DLGAP2: variants seen among roughly 807,000 people sequenced by gnomAD.
The protein encoded by DLGAP2 is disks large-associated protein 2.
A neutral mutation model predicts 100.3 loss-of-function variants in DLGAP2; 26 were observed. The observed-to-expected ratio is 0.26, with a 90% CI of 0.19 to 0.36. The LOEUF (loss-of-function observed/expected upper bound fraction) is 0.36, where lower values mean the gene tolerates loss of function less well. Ranked by LOEUF, DLGAP2 falls within the 10% of genes least tolerant of loss-of-function variation. The probability of loss-of-function intolerance (pLI) is 1.00; values close to 1 mark genes in which losing one functional copy is unlikely to be tolerated. For synonymous variants in DLGAP2, 886 were observed against 630.1 expected (o/e 1.41, Z -6.08); for missense variants, 1,858 against 1,453.2 (o/e 1.28, Z -4.53).
At chr8:1,380,667 A>T (rs760542453) in intron 3 of DLGAP2, among the ~76,000 whole-genome samples, 50 of 152,322 alleles carry the variant, frequency 3.3e-4, no homozygotes, top group Middle Eastern at 3.4e-3. Context: ...CCGAGGTGTC[A>T]TGTTCACTGG....
rs73671229 is a variant in DLGAP2 at position 1,573,975 on chromosome 8, G to A, written c.1442+8081G>A. 5.0e-3 allele frequency among the ~76,000 whole-genome samples: 758 copies of A among 152,230 alleles called. 9 individuals are homozygous for A. Among genetic ancestry groups the A allele is most frequent in the African/African-American group, 0.017 (719 of 41,528 alleles). On this transcript the variant is annotated intron_variant, in intron 6 of 14. Coordinates refer to ENST00000637795, the MANE Select transcript of DLGAP2 (RefSeq NM_001346810.2). ...GTAAAGTGAGGTGCTCTCTAAATGC[G>A]TGAGACAGGACTCCTAACCCATTCT...
At chr8:891,905 G>C (rs140489790) in intron 1 of DLGAP2, among the ~76,000 whole-genome samples, 15 of 152,206 alleles carry the variant, frequency 9.9e-5, no homozygotes, top group African/African-American at 3.6e-4. Flanking sequence ...CTAGTGACTG[G>C]GGCCGCATCC....
At chr8:1,110,433 T>C (rs1804916456) in intron 2 of DLGAP2, among the ~76,000 whole-genome samples, 1 of 148,040 alleles carries the variant, frequency 6.8e-6, no homozygotes, top group Non-Finnish European at 1.5e-5. Context: ...TGTGCATGGG[T>C]CTGTGACACG....
At chr8:989,823 A>C (rs187356796) in intron 2 of DLGAP2, among the ~76,000 whole-genome samples, 1 of 152,176 alleles carries the variant, frequency 6.6e-6, no homozygotes, top group African/African-American at 2.4e-5. Flanking sequence ...ATGACTGGCT[A>C]TGTGGCTTTG....
At chr8:1,472,024 G>A (rs770474290) in intron 3 of DLGAP2, among the ~76,000 whole-genome samples, 1 of 152,210 alleles carries the variant, frequency 6.6e-6, no homozygotes. Context: ...CTACGTTAAG[G>A]ATAAAGCAGT....
At chr8:1,545,123 T>C (rs528253352) in intron 4 of DLGAP2, among the ~76,000 whole-genome samples, 18 of 152,266 alleles carry the variant, frequency 1.2e-4, no homozygotes, top group Non-Finnish European at 2.1e-4. Flanking sequence ...GCAGGGTAAT[T>C]CTGGCCCTGA....
intron 4 of DLGAP2, among the ~76,000 whole-genome samples, chr8:1,523,846 T>TA (rs1800698993): frequency 6.6e-6 from 1 of 152,132 alleles, no homozygotes; most frequent in Non-Finnish European, 1.5e-5. Context: ...ATCCAGTGAA[T>TA]AAAACAGTTC....
intron 1 of DLGAP2, among the ~76,000 whole-genome samples, chr8:830,979 T>A (rs1796771349): frequency 6.6e-6 from 1 of 151,678 alleles, no homozygotes; most frequent in Non-Finnish European, 1.5e-5. Flanking sequence ...CACTGCAACC[T>A]TTGCCTCCCG....
chr8:1,646,071 G>T (rs752856105), intron 8 of DLGAP2, among the ~76,000 whole-genome samples: 2 of 152,142 alleles, frequency 1.3e-5, no homozygotes, highest in African/African-American at 2.4e-5. Flanking sequence ...CCAGATATCT[G>T]GTTAAACATT....
At chr8:1,183,157 G>C (rs17065750) in intron 2 of DLGAP2, among the ~76,000 whole-genome samples, 23,223 of 151,942 alleles carry the variant, frequency 0.15, 3,984 homozygotes, top group African/African-American at 0.42. Context: ...CAAGGAGCTA[G>C]GTAAGGACAC....
At chr8:1,371,897 G>A (rs749847302) in intron 3 of DLGAP2, among the ~76,000 whole-genome samples, 9 of 152,232 alleles carry the variant, frequency 5.9e-5, no homozygotes, top group Admixed American at 4.6e-4. Context: ...ACAGATCAGC[G>A]ACAGAGTGCA....
intron 1 of DLGAP2, among the ~76,000 whole-genome samples, chr8:857,283 G>C (rs1449133652): frequency 6.6e-6 from 1 of 152,124 alleles, no homozygotes; most frequent in Non-Finnish European, 1.5e-5. Context: ...CTTTGATTTG[G>C]TGACTTTTTA....
chr8:1,193,374 C>G (rs1029433156), intron 2 of DLGAP2, among the ~76,000 whole-genome samples: 18 of 152,278 alleles, frequency 1.2e-4, no homozygotes, highest in African/African-American at 2.4e-4. Flanking sequence ...TCTAACTGGT[C>G]TGAGATGGTA....
chr8:1,590,236 G>A (rs1334298966), intron 6 of DLGAP2, among the ~76,000 whole-genome samples: 2 of 152,212 alleles, frequency 1.3e-5, no homozygotes, highest in Non-Finnish European at 2.9e-5. Flanking sequence ...GCGAGGTCAT[G>A]TTCTGAGGCA....
intron 3 of DLGAP2, among the ~76,000 whole-genome samples, chr8:1,262,101 CTTTGGA>C (rs1799362797): frequency 6.6e-6 from 1 of 152,198 alleles, no homozygotes; most frequent in East Asian, 1.9e-4. Flanking sequence ...AGAGCTACTT[CTTTGGA>C]TACAGATGGA....
chr8:959,238 G>A (rs959437006), intron 2 of DLGAP2, among the ~76,000 whole-genome samples: 2 of 152,226 alleles, frequency 1.3e-5, no homozygotes, highest in African/African-American at 4.8e-5. Context: ...GGAAAGAAGA[G>A]TTGTGTAAGT....
chr8:1,349,784 C>A (rs1270156145), intron 3 of DLGAP2, among the ~76,000 whole-genome samples: 1 of 152,252 alleles, frequency 6.6e-6, no homozygotes, highest in Non-Finnish European at 1.5e-5. Flanking sequence ...CCACTGGTGA[C>A]TTTACAGAGA....
chr8:780,837 C>T (rs1412397630), intron 1 of DLGAP2, among the ~76,000 whole-genome samples: 2 of 152,238 alleles, frequency 1.3e-5, no homozygotes, highest in African/African-American at 4.8e-5. Context: ...GCCTTCCCCA[C>T]ACCCCCTTTT....
chr8:1,513,214 A>C (rs916633809), intron 4 of DLGAP2, among the ~76,000 whole-genome samples: 1 of 145,144 alleles, frequency 6.9e-6, no homozygotes, highest in Non-Finnish European at 1.5e-5. Context: ...GCTCAGTGGG[A>C]TAAGCATCTG....
Sources: gnomAD v4.1 joint callset for allele counts (sites outside exome capture counted in the v4.1 genomes callset) on GRCh38, gnomAD v4.1.1 for gene constraint, MANE v1.5 for transcripts, NCBI Gene and HGNC (gene_info 2026-07-23, HGNC 2026-07-21) for gene names.